STN1: variants seen among roughly 807,000 people sequenced by gnomAD.
STN1 encodes CST complex subunit STN1.
STN1 carries 29 observed loss-of-function variants against 45.5 expected under a neutral mutation model. That is an observed-to-expected ratio of 0.64 (90% CI 0.47 to 0.87). STN1 has a LOEUF of 0.87. STN1 is among the 40% of genes least tolerant of loss of function. STN1 has a pLI of 0.00. For missense variants in STN1, 376 were observed against 441.4 expected (o/e 0.85, Z 1.33); for synonymous variants, 148 against 159.0 (o/e 0.93, Z 0.52).
At chr10:103,889,693 TC>T (rs1273066094) in intron 8 of STN1, among the ~76,000 whole-genome samples, 1 of 95,732 alleles carries the variant, frequency 1.0e-5, no homozygotes, top group Admixed American at 1.4e-4. Context: ...TTTTTCTTTT[TC>T]CTTTTTTTTT....
intron 7 of STN1, among the ~76,000 whole-genome samples, chr10:103,893,327 C>A (rs1843152455): frequency 6.6e-6 from 1 of 152,122 alleles, no homozygotes; most frequent in South Asian, 2.1e-4. Flanking sequence ...TGCCACCATG[C>A]CCAGCTAATT....
Position 103,914,671 on chromosome 10 carries a change from A to G in STN1, c.133+2791T>C, listed in dbSNP as rs1051385574. Among the ~76,000 whole-genome samples the G allele has an allele frequency of 5.9e-5, 9 of 151,950 alleles. 1 individual carries two copies. The South Asian group carries it at 1.9e-3, about 31-fold the overall frequency. On this transcript the variant is annotated intron_variant, in intron 2 of 9. Coordinates refer to ENST00000224950, the MANE Select transcript of STN1 (RefSeq NM_024928.5). The stretch of plus-strand genomic sequence containing the variant: ...CCTGGGATACTTTTTTTTTAATGCA[A>G]AAAAAACCCAAAAACAAAACAAAAC...
At position 103,882,678 on chromosome 10, in the gene STN1, C is replaced by A. The variant is rs1310756950; in HGVS notation, c.*6G>T. The A allele has an allele frequency of 6.2e-7, 1 of 1,602,284 alleles. No individual in the cohort carries two copies. Among genetic ancestry groups the A allele is most frequent in the Non-Finnish European group, 8.5e-7 (1 of 1,172,566 alleles). ...TGTCCTCCTCAGCTGGTCTGCGTGT[C>A]TCTGCTCAGAACGCTGTGTAGTAGT... is the stretch of plus-strand genomic sequence containing the variant. On this transcript the variant is annotated 3_prime_UTR_variant, in exon 10 of 10. Coordinates refer to ENST00000224950, the MANE Select transcript of STN1 (RefSeq NM_024928.5).
intron 4 of STN1, among the ~76,000 whole-genome samples, chr10:103,904,069 A>G (rs904820869): frequency 3.3e-5 from 5 of 152,074 alleles, no homozygotes; most frequent in African/African-American, 1.2e-4. Flanking sequence ...TCTGACACGT[A>G]ATGGCAAAAA....
chr10:103,889,903 C>A (rs1039781544), intron 8 of STN1, among the ~76,000 whole-genome samples: 6 of 152,024 alleles, frequency 3.9e-5, no homozygotes, highest in Non-Finnish European at 8.8e-5. Flanking sequence ...AGGGTTTCAC[C>A]ATGTTGACCA....
In STN1 at chr10:103,897,436, G is replaced by A. The variant is rs533192838; in HGVS notation, c.753+112C>T. Reference sequence around the variant, plus strand: ...AATGTGTGACAGAACCATTCCCTCCGTTCCCTGGGTCAACTCTGTGAATCT... The same window carrying A: ...AATGTGTGACAGAACCATTCCCTCCATTCCCTGGGTCAACTCTGTGAATCT... On this transcript the variant is annotated intron_variant, in intron 7 of 9. Transcript: ENST00000224950. The A allele has an allele frequency of 1.2e-4, 115 of 950,502 alleles. 1 individual carries two copies. The highest frequency in any genetic ancestry group is 2.8e-4 in the South Asian group (20 of 72,256). The allele number at this position is 950,502 out of a possible 1,614,324, so 58.9% of individuals were successfully genotyped here. A position where few individuals can be genotyped will look rare whatever the true frequency, so the allele number is the denominator to read the frequency against.
chr10:103,887,305 T>C (rs775693029), intron 9 of STN1, among the ~76,000 whole-genome samples: 16 of 152,242 alleles, frequency 1.1e-4, no homozygotes, highest in Non-Finnish European at 2.1e-4. Context: ...TTGTGTTTTC[T>C]GTCAAGGATA....
chr10:103,888,724 G>T (rs1326542084), intron 9 of STN1, among the ~76,000 whole-genome samples: 1 of 152,144 alleles, frequency 6.6e-6, no homozygotes, highest in African/African-American at 2.4e-5. Flanking sequence ...GAAGCAGAAT[G>T]ACATCAAAAC....
chr10:103,910,744 T>C (rs1399416783), intron 2 of STN1, 122 bp from the exon 3 acceptor site: 6 of 583,948 alleles, frequency 1.0e-5, no homozygotes, highest in Admixed American at 2.8e-5. Flanking sequence ...GCTGAAATTC[T>C]AGACTTAAGA....
chr10:103,905,557 A>C (rs1843235130), intron 3 of STN1, among the ~76,000 whole-genome samples: 1 of 152,194 alleles, frequency 6.6e-6, no homozygotes, highest in Non-Finnish European at 1.5e-5. Flanking sequence ...CTGAAACAAG[A>C]GAGCATCGTG....
intron 3 of STN1, among the ~76,000 whole-genome samples, chr10:103,908,676 G>C (rs150631791): frequency 6.6e-6 from 1 of 152,324 alleles, no homozygotes; most frequent in Non-Finnish European, 1.5e-5. Flanking sequence ...GATGTTTCAT[G>C]CTCCTCAGAC....
At chr10:103,882,876 C>A (rs1843079846) in intron 9 of STN1, 35 bp from the exon 10 acceptor site, 1 of 1,589,568 alleles carries the variant, frequency 6.3e-7, no homozygotes, top group African/African-American at 1.3e-5. Flanking sequence ...AGTGTGGACA[C>A]AACTGTCAGG....
chr10:103,893,669 G>A (rs1451918268), intron 7 of STN1, among the ~76,000 whole-genome samples: 2 of 152,164 alleles, frequency 1.3e-5, no homozygotes, highest in Non-Finnish European at 2.9e-5. Context: ...ATTTCCTCAA[G>A]GGGAGAGGAA....
intron 2 of STN1, among the ~76,000 whole-genome samples, chr10:103,914,829 A>G (rs1256307267): frequency 1.3e-5 from 2 of 152,132 alleles, no homozygotes. Flanking sequence ...GATGCTAACT[A>G]CTCAAAGATA....
At chr10:103,917,813 G>C in intron 1 of STN1, 157 bp from the exon 2 acceptor site, 1 of 525,268 alleles carries the variant, frequency 1.9e-6, no homozygotes, top group Non-Finnish European at 3.4e-6. Flanking sequence ...CGTGTTAAGA[G>C]GCGTTCCTCA....
intron 2 of STN1, 121 bp downstream of exon 2, chr10:103,917,341 G>T: frequency 1.3e-6 from 1 of 791,336 alleles, no homozygotes; most frequent in Non-Finnish European, 2.0e-6. Flanking sequence ...TCCAGGCTAG[G>T]TCCCTTTCAA....
chr10:103,882,793 A>T lies in STN1; in HGVS notation c.998T>A (p.Leu333Gln). 1 of 1,614,100 alleles carries T rather than the reference A, an allele frequency of 6.2e-7. No homozygotes were observed. The highest frequency in any genetic ancestry group is 8.5e-7 in the Non-Finnish European group (1 of 1,179,986). ...CTCGCTCAGGCCCGGGCGGATGCTC[A>T]GGCGAGCACAGGCCAAGATGTGCAG... ...HFLHILACAR[L>Q]SIRPGLSEAV... Residue 333 changes from leucine to glutamine, a missense_variant, in exon 10 of 10, where the codon CTG becomes CAG. Coordinates refer to ENST00000224950, the MANE Select transcript of STN1 (RefSeq NM_024928.5).
At chr10:103,892,404 A>G in intron 7 of STN1, 152 bp from the exon 8 acceptor site, 1 of 639,942 alleles carries the variant, frequency 1.6e-6, no homozygotes, top group Non-Finnish European at 2.5e-6. Context: ...GCCTAGCAGG[A>G]TGGTATTTAA....
chr10:103,884,355 G>A (rs1843090349), intron 9 of STN1, among the ~76,000 whole-genome samples: 1 of 152,082 alleles, frequency 6.6e-6, no homozygotes, highest in African/African-American at 2.4e-5. Context: ...CTCAAAGAGA[G>A]CAGAAATAGA....
Sources: gnomAD v4.1 joint callset for allele counts (sites outside exome capture counted in the v4.1 genomes callset) on GRCh38, gnomAD v4.1.1 for gene constraint, MANE v1.5 for transcripts, NCBI Gene and HGNC (gene_info 2026-07-23, HGNC 2026-07-21) for gene names.